Variants in GRID2 observed in about 807,000 individuals in gnomAD.
The protein encoded by GRID2 is glutamate receptor ionotropic, delta-2.
GRID2 carries 33 observed loss-of-function variants against 114.8 expected under a neutral mutation model. The observed-to-expected ratio is 0.29, with a 90% CI of 0.22 to 0.38. The LOEUF (loss-of-function observed/expected upper bound fraction) is 0.38, where lower values mean the gene tolerates loss of function less well. GRID2 is among the 10% of genes least tolerant of loss of function. GRID2 has a pLI of 1.00. For synonymous variants in GRID2, 505 were observed against 449.9 expected, an observed-to-expected ratio of 1.12 and a Z score of -1.55; for missense variants, 1,184 against 1,257.7, an observed-to-expected ratio of 0.94 and a Z score of 0.89.
chr4:93,197,795 C>A (rs547274482), intron 4 of GRID2, among the ~76,000 whole-genome samples: 1 of 152,190 alleles, frequency 6.6e-6, no homozygotes, highest in Admixed American at 6.5e-5. Flanking sequence ...TGAATTCAAG[C>A]CCATTTACTC....
At position 93,802,454 on chromosome 4, in the gene GRID2, GAGC is replaced by G. The variant is rs796263035; in HGVS notation, c.222-4258_222-4256del. ...AGAGAGATGTATTGAACATAAAAAGGAGCAGATTTCATGAGGTGTTACTAGTAC... is the reference window on the plus strand; with the variant it reads ...AGAGAGATGTATTGAACATAAAAAGGAGATTTCATGAGGTGTTACTAGTAC... On this transcript the variant is annotated intron_variant, in intron 1 of 1. Coordinates refer to the GRID2 transcript ENST00000637838. 6.6e-5 allele frequency among the ~76,000 whole-genome samples: 10 copies of G among 152,202 alleles called. No individual in the cohort carries two copies. In the South Asian group the frequency reaches 2.1e-3, roughly 32 times the overall value.
intron 1 of GRID2, among the ~76,000 whole-genome samples, chr4:92,368,605 C>T (rs1372521231): frequency 6.6e-6 from 1 of 151,924 alleles, no homozygotes; most frequent in Non-Finnish European, 1.5e-5. Context: ...GAAACCTAAG[C>T]TCATGAAGAG....
chr4:93,399,996 G>A (rs1378357955), intron 9 of GRID2, among the ~76,000 whole-genome samples: 1 of 151,988 alleles, frequency 6.6e-6, no homozygotes, highest in Admixed American at 6.6e-5. Context: ...TCATATGAGT[G>A]GCACTAATTA....
chr4:93,030,826 C>T (rs1008070951), intron 2 of GRID2, among the ~76,000 whole-genome samples: 3 of 149,990 alleles, frequency 2.0e-5, no homozygotes, highest in African/African-American at 7.4e-5. Flanking sequence ...GGGGATGAGA[C>T]AGAGAGAGAG....
chr4:93,612,870 T>C (rs1229397882), intron 13 of GRID2, among the ~76,000 whole-genome samples: 5 of 141,082 alleles, frequency 3.5e-5, no homozygotes, highest in East Asian at 2.0e-4. Context: ...CCTTGCTAGA[T>C]TGGGGAAGTT....
At chr4:92,426,254 A>G (rs777965048) in intron 1 of GRID2, among the ~76,000 whole-genome samples, 1 of 152,152 alleles carries the variant, frequency 6.6e-6, no homozygotes, top group African/African-American at 2.4e-5. Flanking sequence ...CAATACTGAA[A>G]TACCTAGAAT....
chr4:92,766,162 T>A (rs865804861), intron 2 of GRID2, among the ~76,000 whole-genome samples: 4 of 152,186 alleles, frequency 2.6e-5, no homozygotes, highest in African/African-American at 9.6e-5. Flanking sequence ...TAAGTTAAAA[T>A]GACATTAGTC....
At chr4:92,324,971 C>G (rs1560568187) in intron 1 of GRID2, among the ~76,000 whole-genome samples, 1 of 151,834 alleles carries the variant, frequency 6.6e-6, no homozygotes, top group Non-Finnish European at 1.5e-5. Flanking sequence ...TCCAACTATA[C>G]AAAAAATAAA....
At chr4:93,180,120 A>T (rs1350094671) in intron 4 of GRID2, among the ~76,000 whole-genome samples, 1 of 152,084 alleles carries the variant, frequency 6.6e-6, no homozygotes, top group African/African-American at 2.4e-5. Flanking sequence ...TGGATGCTAT[A>T]CTTGCCCCCA....
intron 10 of GRID2, among the ~76,000 whole-genome samples, chr4:93,444,310 T>C (rs1453030869): frequency 6.6e-6 from 1 of 151,818 alleles, no homozygotes; most frequent in Non-Finnish European, 1.5e-5. Flanking sequence ...TAAAAGGAGA[T>C]CAGCATGTGA....
At position 93,703,269 on chromosome 4, in the gene GRID2, G is replaced by T. The variant is rs143524358; in HGVS notation, c.2361-65941G>T. Among the ~76,000 whole-genome samples the T allele has an allele frequency of 1.9e-4, 29 of 151,992 alleles. 1 individual carries two copies. In the East Asian group the frequency reaches 5.6e-3, roughly 30 times the overall value. ...GGAGAGATCCATTATTAAATTTTGG[G>T]GGTATATAGTAGGTGAGTATATTTA... On this transcript the variant is annotated intron_variant, in intron 14 of 15. Coordinates refer to ENST00000282020, the MANE Select transcript of GRID2 (RefSeq NM_001510.4).
chr4:92,955,427 T>C (rs1222961045), intron 2 of GRID2, among the ~76,000 whole-genome samples: 3 of 152,128 alleles, frequency 2.0e-5, no homozygotes, highest in Non-Finnish European at 4.4e-5. Context: ...TTGAGAAGTG[T>C]CTGTTCATGT....
intron 2 of GRID2, among the ~76,000 whole-genome samples, chr4:93,071,026 T>C (rs918656552): frequency 3.9e-5 from 6 of 152,150 alleles, no homozygotes; most frequent in Non-Finnish European, 8.8e-5. Flanking sequence ...AGAGCTTATA[T>C]ATTCTAGTCT....
intron 2 of GRID2, among the ~76,000 whole-genome samples, chr4:92,859,715 G>C (rs1224066636): frequency 6.6e-6 from 1 of 151,932 alleles, no homozygotes; most frequent in African/African-American, 2.4e-5. Context: ...GAGAATAAAG[G>C]GTTTCTTTAT....
chr4:93,110,908 G>C lies in GRID2; in HGVS notation c.690G>C (p.Ala230=), dbSNP rs200485780. 2 of 1,613,022 alleles carry C rather than the reference G, an allele frequency of 1.2e-6. No homozygotes were observed. The highest frequency in any genetic ancestry group is 1.7e-6 in the Non-Finnish European group (2 of 1,179,162). ...LNRYRDTLRR[A]ILVMNPATAK... Reference sequence around the variant, plus strand: ...GCTATCGAGACACTCTTAGGCGAGCGATCCTTGTTATGAATCCTGCTACAG... The same window carrying C: ...GCTATCGAGACACTCTTAGGCGAGCCATCCTTGTTATGAATCCTGCTACAG... Residue 230 remains alanine, a synonymous_variant, in exon 4 of 16, where the codon GCG becomes GCC. Transcript: ENST00000282020.
intron 13 of GRID2, among the ~76,000 whole-genome samples, chr4:93,549,513 A>G (rs143741832): frequency 1.5e-3 from 228 of 152,354 alleles, no homozygotes; most frequent in Middle Eastern, 3.4e-3. Flanking sequence ...CATATGGCAT[A>G]CTTCATATAC....
rs376382507 is a variant in GRID2, at chr4:93,785,811, G to A, written c.221+16361G>A. On this transcript the variant is annotated intron_variant, in intron 1 of 1. Transcript: ENST00000637838. ...TGTGGCAATCCACCTAGAGGAAATAGTCCAGTCCAGTAGTAAAGAGGTGGA... is the reference window on the plus strand; with the variant it reads ...TGTGGCAATCCACCTAGAGGAAATAATCCAGTCCAGTAGTAAAGAGGTGGA... 3.6e-4 allele frequency among the ~76,000 whole-genome samples: 55 copies of A among 152,250 alleles called. 1 individual carries two copies. The East Asian group carries it at 8.3e-3, about 23-fold the overall frequency.
chr4:92,621,488 T>G (rs1730273451), intron 2 of GRID2, among the ~76,000 whole-genome samples: 1 of 151,802 alleles, frequency 6.6e-6, no homozygotes, highest in Non-Finnish European at 1.5e-5. Flanking sequence ...GATGGGATGT[T>G]GCTTGGATCA....
At chr4:93,300,307 C>T (rs1165344726) in intron 8 of GRID2, among the ~76,000 whole-genome samples, 1 of 152,092 alleles carries the variant, frequency 6.6e-6, no homozygotes, top group Non-Finnish European at 1.5e-5. Flanking sequence ...ATTGAATCTG[C>T]AGATATGGAA....
Sources: allele counts gnomAD v4.1 joint callset (sites outside exome capture counted in the v4.1 genomes callset), GRCh38; gene constraint gnomAD v4.1.1; transcripts MANE v1.5; gene names NCBI Gene and HGNC (gene_info 2026-07-23, HGNC 2026-07-21).